The following HCN3 variants were observed in gnomAD, a reference collection of about 807,000 sequenced individuals.
HCN3 encodes potassium/sodium hyperpolarization-activated cyclic nucleotide-gated channel 3.
HCN3 carries 36 observed loss-of-function variants against 56.8 expected under a neutral mutation model. That is an observed-to-expected ratio of 0.63 (90% CI 0.49 to 0.84). HCN3 has a LOEUF of 0.84. Among genes scored for constraint, HCN3 ranks in the 40% least tolerant of loss-of-function variants. The pLI is 0.00. For missense variants in HCN3, 930 were observed against 1,079.3 expected, an observed-to-expected ratio of 0.86 and a Z score of 1.94; for synonymous variants, 425 against 439.7, an observed-to-expected ratio of 0.97 and a Z score of 0.42.
Position 155,284,688 on chromosome 1 carries a change from C to T in HCN3, c.1020C>T (p.Ala340=), listed in dbSNP as rs1354010912. 6.2e-7 allele frequency: 1 copy of T among 1,614,234 alleles called. No individual in the cohort carries two copies. Among genetic ancestry groups the T allele is most frequent in the Non-Finnish European group, 8.5e-7 (1 of 1,180,058 alleles). Residue 340 remains alanine (A), a synonymous_variant, in exon 4 of 8, where the codon GCC becomes GCT. Coordinates refer to ENST00000368358, the MANE Select transcript of HCN3 (RefSeq NM_020897.3). This position sits in a 1 kb window ranked among gnomAD's most constrained non-coding sequence, Gnocchi z 4.3. ...TGATCGTAGGTGCCACATGCTACGCCATGTTCATCGGCCATGCCACGGCAC... is the reference window on the plus strand; with the variant it reads ...TGATCGTAGGTGCCACATGCTACGCTATGTTCATCGGCCATGCCACGGCAC... The part of the protein sequence containing the change: ...LSMIVGATCY[A]MFIGHATALI...
In HCN3 at chr1:155,288,127, C is replaced by A; in HGVS notation, c.1989C>A (p.Gly663=). The A allele has an allele frequency of 6.3e-7, 1 of 1,598,182 alleles. No homozygotes were observed. The highest frequency in any genetic ancestry group is 8.5e-7 in the Non-Finnish European group (1 of 1,175,646). ...PASPLVPVRA[G]PWASTSRLPA... The stretch of plus-strand genomic sequence containing the variant: ...CCCCGCTGGTGCCCGTCCGAGCTGG[C>A]CCATGGGCATCCACCTCCCGCCTGC... Residue 663 remains glycine, a synonymous_variant, in exon 8 of 8, where the codon GGC becomes GGA. Coordinates refer to ENST00000368358, the MANE Select transcript of HCN3 (RefSeq NM_020897.3). The surrounding 1 kb of genome is among the most constrained non-coding windows in gnomAD (Gnocchi z 6.5).
Position 155,282,312 on chromosome 1 carries a change from A to C in HCN3, c.279-99A>C. 4 of 1,116,996 alleles carry C rather than the reference A, an allele frequency of 3.6e-6. No homozygotes were observed. The highest frequency in any genetic ancestry group is 5.3e-6 in the Non-Finnish European group (4 of 754,478). 69.2% of individuals were successfully genotyped at this position (1,116,996 alleles called of 1,614,324 possible). A position where few individuals can be genotyped will look rare whatever the true frequency, so the allele number is the denominator to read the frequency against. On this transcript the variant is annotated intron_variant, in intron 1 of 7. Transcript: ENST00000368358. This position sits in a 1 kb window ranked among gnomAD's most constrained non-coding sequence, Gnocchi z 4.7. ...GTAAACAGTCATTCTGTTATTGTGT[A>C]TCTTTGCCCATTCTTGGCCATGTCA...
rs1674196398 is a variant in HCN3, at chr1:155,284,488, T to G, written c.871-51T>G. 1 of 1,540,406 alleles carries G rather than the reference T, an allele frequency of 6.5e-7. No individual in the cohort carries two copies. Among genetic ancestry groups the G allele is most frequent in the Non-Finnish European group, 8.9e-7 (1 of 1,128,850 alleles). On this transcript the variant is annotated intron_variant, in intron 3 of 7. Transcript: ENST00000368358. The surrounding 1 kb of genome is among the most constrained non-coding windows in gnomAD (Gnocchi z 4.3). ...AGAAGGAAAAGGGGCAGGCAGAGAATGAGGCTCCGAGGGGCCCATGCCCAG... is the reference window on the plus strand; with the variant it reads ...AGAAGGAAAAGGGGCAGGCAGAGAAGGAGGCTCCGAGGGGCCCATGCCCAG...
In HCN3 at chr1:155,282,291, A is replaced by C; in HGVS notation, c.279-120A>C. The C allele has an allele frequency of 1.1e-6, 1 of 925,918 alleles. No homozygotes were observed. The highest frequency in any genetic ancestry group is 2.5e-5 in the East Asian group (1 of 40,316). The allele number at this position is 925,918 out of a possible 1,614,324, so 57.4% of individuals were successfully genotyped here. On this transcript the variant is annotated intron_variant, in intron 1 of 7. Transcript: ENST00000368358. This position sits in a 1 kb window ranked among gnomAD's most constrained non-coding sequence, Gnocchi z 4.7. The stretch of plus-strand genomic sequence containing the variant: ...CAACTTATACTCCCAACAGCTGTAA[A>C]CAGTCATTCTGTTATTGTGTATCTT...
rs12118947 is a variant in HCN3 at position 155,288,657 on chromosome 1, A to G, written c.*194A>G. The stretch of plus-strand genomic sequence containing the variant: ...CAAGAATCCTGTAGCTTGTCCCATC[A>G]TAATCCATTCACCCGTTCATCATGT... On this transcript the variant is annotated 3_prime_UTR_variant, in exon 8 of 8. Coordinates refer to ENST00000368358, the MANE Select transcript of HCN3 (RefSeq NM_020897.3). The surrounding 1 kb of genome is among the most constrained non-coding windows in gnomAD (Gnocchi z 6.5). The G allele has an allele frequency of 4.8e-3, 3,262 of 683,010 alleles. 12 individuals carry two copies. The highest frequency in any genetic ancestry group is 6.7e-3 in the Non-Finnish European group (2,809 of 421,888). The allele number at this position is 683,010 out of a possible 1,614,324, so 42.3% of individuals were successfully genotyped here. A position where few individuals can be genotyped will look rare whatever the true frequency, so the allele number is the denominator to read the frequency against.
intron 2 of HCN3, 97 bp from the exon 3 acceptor site, chr1:155,283,877 A>G: frequency 1.6e-6 from 2 of 1,271,418 alleles, no homozygotes; most frequent in Non-Finnish European, 2.2e-6. Flanking sequence ...GGCTGGGGCT[A>G]GGGAGTAGTT....
chr1:155,279,117 GA>G (rs917370250), intron 1 of HCN3, among the ~76,000 whole-genome samples: 17 of 152,338 alleles, frequency 1.1e-4, no homozygotes, highest in African/African-American at 3.6e-4. Context: ...GGGCTTCCCA[GA>G]GGCCCGGACT....
At chr1:155,287,069 G>A in intron 6 of HCN3, 104 bp from the exon 7 acceptor site, 1 of 1,342,278 alleles carries the variant, frequency 7.5e-7, no homozygotes, top group East Asian at 2.4e-5. Flanking sequence ...TTTCTCCCAA[G>A]TCTAGGGAGG....
chr1:155,280,913 C>A (rs985585302), intron 1 of HCN3, among the ~76,000 whole-genome samples: 6 of 150,966 alleles, frequency 4.0e-5, no homozygotes, highest in African/African-American at 1.5e-4. Context: ...TGCCACCACT[C>A]CCAGCTAATT....
intron 7 of HCN3, 58 bp from the exon 8 acceptor site, chr1:155,287,723 A>G (rs1438057455): frequency 2.0e-6 from 3 of 1,534,452 alleles, no homozygotes; most frequent in Non-Finnish European, 2.6e-6. Flanking sequence ...TTGATATCCA[A>G]CATCCATCTT....
In HCN3 at chr1:155,282,980, G is replaced by T. The variant is rs1442464367; in HGVS notation, c.708+140G>T. The T allele has an allele frequency of 3.9e-5, 33 of 842,584 alleles. No individual in the cohort carries two copies. The highest frequency in any genetic ancestry group is 6.0e-5 in the Non-Finnish European group (33 of 552,368). 52.2% of individuals were successfully genotyped at this position (842,584 alleles called of 1,614,324 possible). On this transcript the variant is annotated intron_variant, in intron 2 of 7. Transcript: ENST00000368358. The surrounding 1 kb of genome is among the most constrained non-coding windows in gnomAD (Gnocchi z 4.7). The stretch of plus-strand genomic sequence containing the variant: ...TTATAGTGTGGGGAAGATGGGTGGG[G>T]CTTCCGTGCGTGAGCTCTCTCCAAA...
chr1:155,286,924 C>T (rs1373396094), intron 6 of HCN3, among the ~76,000 whole-genome samples: 2 of 152,040 alleles, frequency 1.3e-5, no homozygotes, highest in African/African-American at 4.8e-5. Flanking sequence ...GCAAGACCTG[C>T]CTGGTCATCA....
At position 155,282,896 on chromosome 1, in the gene HCN3, G is replaced by A. The variant is rs1388198400; in HGVS notation, c.708+56G>A. ...GGGTGGGGGATGTTGGGGGAGAAGGGGGCGGGGCGGCTGGTGGACTTCTCT... is the reference window on the plus strand; with the variant it reads ...GGGTGGGGGATGTTGGGGGAGAAGGAGGCGGGGCGGCTGGTGGACTTCTCT... On this transcript the variant is annotated intron_variant, in intron 2 of 7. Coordinates refer to ENST00000368358, the MANE Select transcript of HCN3 (RefSeq NM_020897.3). The surrounding 1 kb of genome is among the most constrained non-coding windows in gnomAD (Gnocchi z 4.7). The A allele has an allele frequency of 2.8e-6, 4 of 1,429,874 alleles. No individual in the cohort carries two copies. The highest frequency in any genetic ancestry group is 1.4e-5 in the African/African-American group (1 of 70,896). 88.6% of individuals were successfully genotyped at this position (1,429,874 alleles called of 1,614,324 possible).
At position 155,282,522 on chromosome 1, in the gene HCN3, C is replaced by T. The variant is rs371420737; in HGVS notation, c.390C>T (p.Asn130=). 3.7e-6 allele frequency: 6 copies of T among 1,614,128 alleles called. No homozygotes were observed. Among genetic ancestry groups the T allele is most frequent in the Middle Eastern group, 1.6e-4 (1 of 6,084 alleles). The stretch of plus-strand genomic sequence containing the variant: ...ACTCCCCGCCTTGGATCGTCTTCAA[C>T]GTATTGTCTGATACTTTCTTCCTAC... ...EENSPPWIVF[N]VLSDTFFLLD... The change falls in exon 2 of 8, where the codon AAC becomes AAT. Residue 130 remains asparagine, a synonymous_variant. Coordinates refer to ENST00000368358, the MANE Select transcript of HCN3 (RefSeq NM_020897.3). The surrounding 1 kb of genome is among the most constrained non-coding windows in gnomAD (Gnocchi z 4.7).
rs1485383661 is a variant in HCN3, at chr1:155,277,870, TA to T, written c.278+3del. On this transcript the variant is annotated splice_donor_region_variant and intron_variant, in intron 1 of 7. Transcript: ENST00000368358. ...CATCCACCCCTACAGCGACTTCCGG[TA>T]TTGGGGGCTTGGCGGGGAGGGCAGG... 6.2e-7 allele frequency: 1 copy of T among 1,610,960 alleles called. No individual in the cohort carries two copies. The highest frequency in any genetic ancestry group is 1.7e-5 in the Admixed American group (1 of 59,952).
intron 2 of HCN3, among the ~76,000 whole-genome samples, chr1:155,283,495 C>G (rs148261599): frequency 0.13 from 20,436 of 151,382 alleles, 1,816 homozygotes; most frequent in Non-Finnish European, 0.2. Flanking sequence ...TATGCTGGTG[C>G]GCTGCACCCA....
rs574477649 is a variant in HCN3, at chr1:155,280,677, A to G, written c.279-1734A>G. Among the ~76,000 whole-genome samples the G allele has an allele frequency of 7.8e-5, 11 of 141,568 alleles. 1 individual carries two copies. The highest frequency in any genetic ancestry group is 4.6e-4 in the South Asian group (2 of 4,330). The allele number at this position is 141,568 out of a possible 152,430, so 92.9% of individuals were successfully genotyped here. The stretch of plus-strand genomic sequence containing the variant: ...ATGGTCTCAATCTCCTGACCTTGTG[A>G]TCTGCCCACCTTGGCCTCCCAAAGT... On this transcript the variant is annotated intron_variant, in intron 1 of 7. Transcript: ENST00000368358.
In HCN3 at chr1:155,284,702, A is replaced by G; in HGVS notation, c.1034A>G (p.His345Arg). Reference sequence around the variant, plus strand: ...ACATGCTACGCCATGTTCATCGGCCATGCCACGGCACTCATCCAGTCCCTG... The same window carrying G: ...ACATGCTACGCCATGTTCATCGGCCGTGCCACGGCACTCATCCAGTCCCTG... ...GATCYAMFIG[H>R]ATALIQSLDS... Residue 345 changes from histidine to arginine, a missense_variant, in exon 4 of 8, where the codon CAT (histidine) becomes CGT (arginine). Transcript: ENST00000368358. This position sits in a 1 kb window ranked among gnomAD's most constrained non-coding sequence, Gnocchi z 4.3. The G allele has an allele frequency of 1.2e-6, 2 of 1,614,206 alleles. No homozygotes were observed. The highest frequency in any genetic ancestry group is 2.2e-5 in the South Asian group (2 of 91,088).
Position 155,285,631 on chromosome 1 carries a change from C to T in HCN3, c.1237-93C>T, listed in dbSNP as rs1482924341. Reference sequence around the variant, plus strand: ...CTCCCCATCCTTTGGCAGAACATGACCCCAGGGGTGGGGTTTCTGGAAGCG... The same window carrying T: ...CTCCCCATCCTTTGGCAGAACATGATCCCAGGGGTGGGGTTTCTGGAAGCG... On this transcript the variant is annotated intron_variant, in intron 5 of 7. Transcript: ENST00000368358. This position sits in a 1 kb window ranked among gnomAD's most constrained non-coding sequence, Gnocchi z 4.5. 2 of 1,532,664 alleles carry T rather than the reference C, an allele frequency of 1.3e-6. No individual in the cohort carries two copies. The highest frequency in any genetic ancestry group is 1.8e-6 in the Non-Finnish European group (2 of 1,130,962). 94.9% of individuals were successfully genotyped at this position (1,532,664 alleles called of 1,614,324 possible).
Sources: gnomAD v4.1 joint callset for allele counts (sites outside exome capture counted in the v4.1 genomes callset) on GRCh38, gnomAD v4.1.1 for gene constraint, Gnocchi (gnomAD v3.1) non-coding constraint, MANE v1.5 for transcripts, NCBI Gene and HGNC (gene_info 2026-07-23, HGNC 2026-07-21) for gene names.